The following SI variants were observed in gnomAD, a reference collection of about 807,000 sequenced individuals.
SI encodes the protein sucrase-isomaltase, intestinal.
SI carries 235 observed loss-of-function variants against 253.3 expected under a neutral mutation model. The ratio of observed to expected loss-of-function variants is 0.93; its 90% confidence interval spans 0.83 to 1.03. The LOEUF (loss-of-function observed/expected upper bound fraction) is 1.03. Ranked by LOEUF, SI falls within the 50% of genes least tolerant of loss-of-function variation. The pLI is 0.00. For synonymous variants in SI, 819 were observed against 712.0 expected (o/e 1.15, Z -2.39); for missense variants, 2,442 against 2,211.1 (o/e 1.10, Z -2.09).
At chr3:165,078,000 C>T (rs1288522249) in intron 1 of SI, among the ~76,000 whole-genome samples, 2 of 151,478 alleles carry the variant, frequency 1.3e-5, no homozygotes, top group Non-Finnish European at 3.0e-5. Flanking sequence ...TGTATAACAA[C>T]TTGATGAATG....
intron 23 of SI, 61 bp from the exon 24 acceptor site, chr3:165,032,753 A>G (rs1712318373): frequency 1.7e-6 from 2 of 1,159,922 alleles, no homozygotes; most frequent in South Asian, 2.7e-5. Context: ...TGAAATAACA[A>G]TACCGATAAG....
At position 165,059,298 on chromosome 3, in the gene SI, T is replaced by C; in HGVS notation, c.1148A>G (p.Asp383Gly). 1.2e-6 allele frequency: 2 copies of C among 1,612,138 alleles called. No homozygotes were observed. The highest frequency in any genetic ancestry group is 1.7e-4 in the Middle Eastern group (1 of 6,050). The stretch of plus-strand genomic sequence containing the variant: ...GTAGTCAATATCAGTGACCTGTGTA[T>C]CCTGAAAGTTAGAAGATTGTATTTC... The part of the protein sequence containing the change: ...RRNREAGIPF[D>G]TQVTDIDYME... The change falls in exon 11 of 48, where the codon GAT becomes GGT. Residue 383 changes from aspartate to glycine, a missense_variant and splice_region_variant. Coordinates refer to ENST00000264382, the MANE Select transcript of SI (RefSeq NM_001041.4).
At chr3:164,994,525 T>C (rs569501342) in intron 40 of SI, 120 bp from the exon 41 acceptor site, 3 of 1,008,148 alleles carry the variant, frequency 3.0e-6, no homozygotes, top group East Asian at 2.5e-5. Flanking sequence ...TCATGTGCTA[T>C]GTACTTTCTT....
At chr3:165,060,836 T>C (rs1713949824) in intron 9 of SI, among the ~76,000 whole-genome samples, 1 of 146,680 alleles carries the variant, frequency 6.8e-6, no homozygotes, top group Admixed American at 6.9e-5. Context: ...ATTATATATA[T>C]ACATATATAT....
chr3:165,027,541 G>T (rs1711993179), intron 25 of SI, among the ~76,000 whole-genome samples: 1 of 151,368 alleles, frequency 6.6e-6, no homozygotes, highest in Non-Finnish European at 1.5e-5. Flanking sequence ...GAACATAGAT[G>T]CAAGAATCCT....
At position 165,000,973 on chromosome 3, in the gene SI, T is replaced by G. The variant is rs951510163; in HGVS notation, c.4407-2300A>C. On this transcript the variant is annotated intron_variant, in intron 37 of 47. Transcript: ENST00000264382. ...ATATCTTCAATTATTATAAAAAAGT[T>G]TTTTATAGAAGTAAAACCAGAAACT... Among the ~76,000 whole-genome samples the G allele has an allele frequency of 1.4e-4, 21 of 151,296 alleles. No homozygotes were observed. The South Asian group carries it at 4.4e-3, about 31-fold the overall frequency.
intron 2 of SI, 34 bp downstream of exon 2, chr3:165,075,861 G>A (rs748749907): frequency 3.2e-6 from 4 of 1,255,110 alleles, no homozygotes; most frequent in African/African-American, 1.5e-5. Flanking sequence ...CTAACTTCAC[G>A]ATAATGTAGC....
intron 15 of SI, among the ~76,000 whole-genome samples, chr3:165,048,328 A>T: frequency 6.6e-6 from 1 of 151,894 alleles, no homozygotes; most frequent in Non-Finnish European, 1.5e-5. Flanking sequence ...CATATTTTAT[A>T]AAAATGTATT....
chr3:164,990,572 A>G (rs1294519242), intron 44 of SI, among the ~76,000 whole-genome samples: 1 of 152,170 alleles, frequency 6.6e-6, no homozygotes, highest in Non-Finnish European at 1.5e-5. Flanking sequence ...TGTTTTAAAA[A>G]TGAATTGAGT....
At chr3:165,036,654 T>C (rs1445692378) in intron 21 of SI, among the ~76,000 whole-genome samples, 177 bp from the exon 22 acceptor site, 1 of 151,858 alleles carries the variant, frequency 6.6e-6, no homozygotes, top group African/African-American at 2.4e-5. Flanking sequence ...AATGTTCTTA[T>C]GTGAATACCG....
intron 22 of SI, 127 bp from the exon 23 acceptor site, chr3:165,033,571 C>G: frequency 1.1e-6 from 1 of 940,284 alleles, no homozygotes. Context: ...GCATCCCAAA[C>G]AGATTTTGTT....
chr3:164,994,223 C>G, intron 41 of SI, 34 bp downstream of exon 41: 2 of 1,591,946 alleles, frequency 1.3e-6, no homozygotes, highest in Non-Finnish European at 1.7e-6. Flanking sequence ...AAAAGTATCT[C>G]TCTGTGATAA....
intron 44 of SI, among the ~76,000 whole-genome samples, chr3:164,987,518 A>T (rs1036286753): frequency 3.2e-4 from 48 of 152,136 alleles, no homozygotes; most frequent in African/African-American, 1.1e-3. Flanking sequence ...AGACCATCCT[A>T]CCCAACATGG....
At chr3:165,048,551 A>G (rs1165495040) in intron 15 of SI, among the ~76,000 whole-genome samples, 2 of 112,684 alleles carry the variant, frequency 1.8e-5, no homozygotes, top group Non-Finnish European at 3.4e-5. Flanking sequence ...TTAAATATAT[A>G]TATACATATA....
At chr3:165,023,867 T>C (rs1711761661) in intron 25 of SI, 91 bp from the exon 26 acceptor site, 1 of 875,110 alleles carries the variant, frequency 1.1e-6, no homozygotes, top group East Asian at 2.6e-5. Context: ...TCACACATTG[T>C]ATGATTTACA....
At chr3:165,076,499 GT>G (rs762294002) in intron 1 of SI, among the ~76,000 whole-genome samples, 3 of 151,572 alleles carry the variant, frequency 2.0e-5, no homozygotes, top group Non-Finnish European at 3.0e-5. Context: ...AAAAACTTCA[GT>G]TTTTTTCTTG....
intron 17 of SI, among the ~76,000 whole-genome samples, chr3:165,042,501 C>CTTTGTA (rs1712888751): frequency 6.6e-6 from 1 of 152,042 alleles, no homozygotes; most frequent in Admixed American, 6.6e-5. Flanking sequence ...GGTAGACTAG[C>CTTTGTA]TTTGTATTGT....
At chr3:164,981,011 TG>T (rs1246015457) in intron 47 of SI, among the ~76,000 whole-genome samples, 1 of 152,036 alleles carries the variant, frequency 6.6e-6, no homozygotes, top group Non-Finnish European at 1.5e-5. Flanking sequence ...TTTCCTTCTT[TG>T]GGGACTTAAT....
At chr3:165,002,067 T>C (rs941059781) in intron 37 of SI, among the ~76,000 whole-genome samples, 32 of 151,736 alleles carry the variant, frequency 2.1e-4, no homozygotes, top group African/African-American at 7.7e-4. Flanking sequence ...GTCAAAGATG[T>C]TTAATTTTCT....
Sources: gnomAD v4.1 joint callset for allele counts (sites outside exome capture counted in the v4.1 genomes callset) on GRCh38, gnomAD v4.1.1 for gene constraint, MANE v1.5 for transcripts, NCBI Gene and HGNC (gene_info 2026-07-23, HGNC 2026-07-21) for gene names.